Variants in GUCY1A2 observed in about 807,000 individuals in gnomAD.
The protein encoded by GUCY1A2 is guanylate cyclase soluble subunit alpha-2.
GUCY1A2 carries 27 observed loss-of-function variants against 63.5 expected under a neutral mutation model. The ratio of observed to expected loss-of-function variants is 0.43; its 90% CI spans 0.31 to 0.59. GUCY1A2 has a LOEUF of 0.59. GUCY1A2 is among the 20% of genes least tolerant of loss of function. The probability of loss-of-function intolerance (pLI) is 0.11; values close to 1 mark genes in which losing one functional copy is unlikely to be tolerated. For missense variants in GUCY1A2, 768 were observed against 913.3 expected (o/e 0.84, Z 2.05); for synonymous variants, 364 against 343.5 (o/e 1.06, Z -0.66).
intron 4 of GUCY1A2, among the ~76,000 whole-genome samples, chr11:106,851,974 A>G (rs1049728271): frequency 6.6e-6 from 1 of 151,892 alleles, no homozygotes; most frequent in African/African-American, 2.4e-5. Context: ...AATTCTTCCA[A>G]TCATGAGCAA....
At chr11:106,957,756 C>G (rs1861006597) in intron 3 of GUCY1A2, among the ~76,000 whole-genome samples, 1 of 146,742 alleles carries the variant, frequency 6.8e-6, no homozygotes, top group Non-Finnish European at 1.5e-5. Context: ...AAAATGGTCA[C>G]TTTTTTTTTT....
At chr11:106,946,690 T>C (rs924243258) in intron 3 of GUCY1A2, among the ~76,000 whole-genome samples, 10 of 152,046 alleles carry the variant, frequency 6.6e-5, no homozygotes, top group Non-Finnish European at 8.8e-5. Context: ...CCAAGCAACA[T>C]TGTAGCTAAA....
At chr11:106,749,771 C>A (rs539242048) in intron 6 of GUCY1A2, among the ~76,000 whole-genome samples, 1 of 152,056 alleles carries the variant, frequency 6.6e-6, no homozygotes, top group South Asian at 2.1e-4. Context: ...TCTCACTCTT[C>A]ACTCTCATTC....
chr11:107,013,482 T>C (rs1861776297), intron 1 of GUCY1A2, among the ~76,000 whole-genome samples: 1 of 152,212 alleles, frequency 6.6e-6, no homozygotes, highest in Non-Finnish European at 1.5e-5. Context: ...TATTATATTA[T>C]TTTAAAATAA....
In GUCY1A2 at chr11:106,678,174, A is replaced by T. The variant is rs1233393400; in HGVS notation, c.*9375T>A. 1 of 197,142 alleles carries T rather than the reference A, an allele frequency of 5.1e-6. No homozygotes were observed. The highest frequency in any genetic ancestry group is 1.8e-3 in the Middle Eastern group (1 of 560). The allele number at this position is 197,142 out of a possible 1,614,324, so 12.2% of individuals were successfully genotyped here. Reference sequence around the variant, plus strand: ...AGATAATTATACAGTCCTCTAGTTTATCTAGACCTTCTTGGCTAGAGTTTG... The same window carrying T: ...AGATAATTATACAGTCCTCTAGTTTTTCTAGACCTTCTTGGCTAGAGTTTG... On this transcript the variant is annotated 3_prime_UTR_variant, in exon 8 of 8. Transcript: ENST00000526355.
intron 3 of GUCY1A2, among the ~76,000 whole-genome samples, chr11:106,969,069 G>C (rs920713558): frequency 1.3e-5 from 2 of 152,116 alleles, no homozygotes; most frequent in East Asian, 3.9e-4. Context: ...GAAAATAAGA[G>C]ATTAATATTT....
chr11:106,957,511 C>T (rs916640990), intron 3 of GUCY1A2, among the ~76,000 whole-genome samples: 27 of 151,980 alleles, frequency 1.8e-4, no homozygotes, highest in African/African-American at 4.8e-4. Flanking sequence ...CACTCACCAC[C>T]GCCTCCTTTG....
chr11:106,763,129 T>C (rs969782561), intron 6 of GUCY1A2, among the ~76,000 whole-genome samples: 1 of 152,126 alleles, frequency 6.6e-6, no homozygotes, highest in African/African-American at 2.4e-5. Context: ...AATTCATACG[T>C]ATATTTGGAA....
At chr11:106,923,041 A>C (rs567597550) in intron 4 of GUCY1A2, among the ~76,000 whole-genome samples, 1 of 152,124 alleles carries the variant, frequency 6.6e-6, no homozygotes, top group Non-Finnish European at 1.5e-5. Context: ...CTGAAATTGG[A>C]CTAATAGCCA....
chr11:106,806,787 A>C (rs939969440), intron 5 of GUCY1A2, among the ~76,000 whole-genome samples: 1 of 152,198 alleles, frequency 6.6e-6, no homozygotes, highest in African/African-American at 2.4e-5. Context: ...TGATATATGC[A>C]CAGCAAAATC....
chr11:107,011,914 C>G (rs548007584), intron 1 of GUCY1A2, among the ~76,000 whole-genome samples: 1 of 152,208 alleles, frequency 6.6e-6, no homozygotes, highest in African/African-American at 2.4e-5. Flanking sequence ...TTTGAACACA[C>G]ATACAGATTA....
At chr11:106,752,605 T>C (rs973547686) in intron 6 of GUCY1A2, among the ~76,000 whole-genome samples, 2 of 152,052 alleles carry the variant, frequency 1.3e-5, no homozygotes. Flanking sequence ...AGTGAGAATA[T>C]GCAGTGTTGG....
chr11:106,808,036 T>C (rs1454685288), intron 5 of GUCY1A2, among the ~76,000 whole-genome samples: 1 of 152,202 alleles, frequency 6.6e-6, no homozygotes, highest in Non-Finnish European at 1.5e-5. Flanking sequence ...AGATAGCCTA[T>C]GGTGGGATTC....
intron 4 of GUCY1A2, among the ~76,000 whole-genome samples, chr11:106,859,174 A>C (rs1859475370): frequency 6.6e-6 from 1 of 151,994 alleles, no homozygotes; most frequent in African/African-American, 2.4e-5. Context: ...AAATAATCTT[A>C]CATCTACAAT....
At chr11:106,963,853 C>A (rs2120071211) in intron 3 of GUCY1A2, among the ~76,000 whole-genome samples, 1 of 152,214 alleles carries the variant, frequency 6.6e-6, no homozygotes, top group South Asian at 2.1e-4. Context: ...TTCCTTTGGA[C>A]TTATAATATA....
At chr11:106,904,912 G>GA (rs1276876923) in intron 4 of GUCY1A2, among the ~76,000 whole-genome samples, 3 of 151,748 alleles carry the variant, frequency 2.0e-5, no homozygotes, top group Admixed American at 6.6e-5. Context: ...CTCCTGCTCT[G>GA]AAAAAAAATG....
intron 6 of GUCY1A2, among the ~76,000 whole-genome samples, chr11:106,749,489 G>A (rs1863848457): frequency 6.6e-6 from 1 of 152,122 alleles, no homozygotes; most frequent in African/African-American, 2.4e-5. Flanking sequence ...CTACTGGACT[G>A]TTCTTAGGAG....
chr11:106,776,785 T>A (rs1352315), intron 5 of GUCY1A2, among the ~76,000 whole-genome samples: 135,459 of 152,216 alleles, frequency 0.89, 60,403 homozygotes, highest in African/African-American at 0.9. Context: ...GGGTTGTTCA[T>A]TAACATTATC....
chr11:106,964,514 G>T (rs1425093147), intron 3 of GUCY1A2, among the ~76,000 whole-genome samples: 1 of 152,162 alleles, frequency 6.6e-6, no homozygotes, highest in African/African-American at 2.4e-5. Flanking sequence ...TGCATTAATA[G>T]AAGTATAAGC....
Sources: gnomAD v4.1 joint callset for allele counts (sites outside exome capture counted in the v4.1 genomes callset) on GRCh38, gnomAD v4.1.1 for gene constraint, MANE v1.5 for transcripts, NCBI Gene and HGNC (gene_info 2026-07-23, HGNC 2026-07-21) for gene names.